Variants in OSBPL10 observed in about 807,000 individuals in gnomAD.
The protein encoded by OSBPL10 is oxysterol-binding protein-related protein 10.
OSBPL10 carries 49 observed loss-of-function variants against 81.7 expected under a neutral mutation model. The ratio of observed to expected loss-of-function variants is 0.60; its 90% CI spans 0.48 to 0.76. The LOEUF (loss-of-function observed/expected upper bound fraction) is 0.76, where lower values mean the gene tolerates loss of function less well. Among genes scored for constraint, OSBPL10 ranks in the 30% least tolerant of loss-of-function variants. The probability of loss-of-function intolerance (pLI) is 0.00; values close to 1 mark genes in which losing one functional copy is unlikely to be tolerated. For missense variants in OSBPL10, 923 were observed against 987.8 expected (o/e 0.93, Z 0.88); for synonymous variants, 419 against 383.6 (o/e 1.09, Z -1.08).
At chr3:31,662,704 A>G in intron 11 of OSBPL10, 1 of 985,524 alleles carries the variant, frequency 1.0e-6, no homozygotes, top group Non-Finnish European at 1.2e-6. Context: ...ACATGTTCCC[A>G]GCCCTTCTGT....
At chr3:31,735,882 C>T (rs1305953528) in intron 5 of OSBPL10, among the ~76,000 whole-genome samples, 9 of 152,176 alleles carry the variant, frequency 5.9e-5, no homozygotes, top group Non-Finnish European at 8.8e-5. Flanking sequence ...TCTCTCCTCC[C>T]TGGAATGTCA....
chr3:31,884,013 T>C (rs186719592), intron 1 of OSBPL10, among the ~76,000 whole-genome samples: 2 of 152,348 alleles, frequency 1.3e-5, no homozygotes, highest in Admixed American at 1.3e-4. Flanking sequence ...TTGCCAGCTT[T>C]TCTCTCTCCT....
At chr3:31,832,235 A>T (rs6807252) in intron 3 of OSBPL10, among the ~76,000 whole-genome samples, 9,496 of 152,286 alleles carry the variant, frequency 0.062, 680 homozygotes, top group East Asian at 0.43. Flanking sequence ...GTGGAAGGAT[A>T]CATATAAAAC....
intron 2 of OSBPL10, among the ~76,000 whole-genome samples, chr3:31,996,511 G>T (rs1056429562): frequency 6.6e-6 from 1 of 152,048 alleles, no homozygotes; most frequent in African/African-American, 2.4e-5. Flanking sequence ...GGGAGAAGGG[G>T]GTTAGTGGAC....
chr3:31,813,447 TG>T (rs1348173735), intron 4 of OSBPL10, among the ~76,000 whole-genome samples: 15 of 150,208 alleles, frequency 1.0e-4, no homozygotes, highest in African/African-American at 3.8e-4. Flanking sequence ...TTGGTTTTTT[TG>T]TTTGTTTGTT....
At chr3:31,686,556 T>G (rs888756878) in intron 7 of OSBPL10, among the ~76,000 whole-genome samples, 2 of 152,294 alleles carry the variant, frequency 1.3e-5, no homozygotes, top group South Asian at 4.1e-4. Context: ...ACTGAGTGAT[T>G]TTAACACTTT....
chr3:32,006,307 G>T (rs1459870590), intron 2 of OSBPL10, among the ~76,000 whole-genome samples: 1 of 152,034 alleles, frequency 6.6e-6, no homozygotes, highest in Admixed American at 6.6e-5. Context: ...ATTTCCCCTT[G>T]AATACACTTT....
chr3:31,903,592 A>G (rs973496070), intron 1 of OSBPL10, among the ~76,000 whole-genome samples: 11 of 152,122 alleles, frequency 7.2e-5, no homozygotes, highest in African/African-American at 2.7e-4. Flanking sequence ...CAGCCTCCCA[A>G]AGTGCTGGGA....
In OSBPL10 at chr3:31,922,008, T is replaced by C. The variant is rs187300648; in HGVS notation, c.282-42178A>G. Among the ~76,000 whole-genome samples the C allele has an allele frequency of 2.2e-4, 34 of 152,314 alleles. No individual in the cohort carries two copies. In the East Asian group the frequency reaches 6.4e-3, roughly 29 times the overall value. On this transcript the variant is annotated intron_variant, in intron 1 of 11. Transcript: ENST00000396556. Reference sequence around the variant, plus strand: ...AATAAGGACTATCCTACAATACACCTGACTAGTAGTCCTCAAAACTGTCAA... The same window carrying C: ...AATAAGGACTATCCTACAATACACCCGACTAGTAGTCCTCAAAACTGTCAA...
chr3:31,668,233 T>G (rs1172184441), intron 10 of OSBPL10, among the ~76,000 whole-genome samples: 1 of 152,184 alleles, frequency 6.6e-6, no homozygotes, highest in Non-Finnish European at 1.5e-5. Context: ...AGTGTCAATT[T>G]TACTACACCT....
chr3:31,666,538 G>A (rs891363800), intron 10 of OSBPL10, among the ~76,000 whole-genome samples: 4 of 152,156 alleles, frequency 2.6e-5, no homozygotes, highest in Admixed American at 6.5e-5. Flanking sequence ...GAGCAGCCAC[G>A]GAGACTGGAA....
chr3:31,886,664 G>A (rs565432288), intron 1 of OSBPL10, among the ~76,000 whole-genome samples: 3 of 152,294 alleles, frequency 2.0e-5, no homozygotes, highest in East Asian at 1.9e-4. Flanking sequence ...TCTCCTGGCC[G>A]GATGCGGTGG....
At chr3:31,980,568 CCG>C (rs199540036) in intron 1 of OSBPL10, among the ~76,000 whole-genome samples, 2,429 of 152,318 alleles carry the variant, frequency 0.016, 61 homozygotes, top group African/African-American at 0.055. Flanking sequence ...GTGCGGGAAA[CCG>C]CGGACAAGCA....
chr3:31,770,146 A>C (rs1278149942), intron 4 of OSBPL10, among the ~76,000 whole-genome samples: 1 of 152,232 alleles, frequency 6.6e-6, no homozygotes, highest in African/African-American at 2.4e-5. Context: ...CTACTGATAC[A>C]GATAAAGAGA....
intron 1 of OSBPL10, among the ~76,000 whole-genome samples, chr3:32,057,348 C>G (rs1000757036): frequency 6.6e-6 from 1 of 152,068 alleles, no homozygotes; most frequent in Non-Finnish European, 1.5e-5. Flanking sequence ...AACCCCTTTC[C>G]ATAACAGTCA....
chr3:31,753,509 C>CCA (rs376304834), intron 4 of OSBPL10, among the ~76,000 whole-genome samples: 23 of 151,844 alleles, frequency 1.5e-4, no homozygotes, highest in South Asian at 1.0e-3. Context: ...TAAACCAAAA[C>CCA]CACACACACA....
chr3:32,014,344 G>C (rs1334935936), intron 2 of OSBPL10, among the ~76,000 whole-genome samples: 1 of 152,020 alleles, frequency 6.6e-6, no homozygotes, highest in African/African-American at 2.4e-5. Flanking sequence ...ATGACAAAAA[G>C]TACATGATTA....
chr3:31,774,608 G>C (rs980831675), intron 4 of OSBPL10, among the ~76,000 whole-genome samples: 1 of 151,960 alleles, frequency 6.6e-6, no homozygotes, highest in Non-Finnish European at 1.5e-5. Context: ...TGCCTCCCAG[G>C]TTCAAGCGAT....
At chr3:31,990,799 G>A (rs1699018490) in intron 2 of OSBPL10, 1 of 1,609,148 alleles carries the variant, frequency 6.2e-7, no homozygotes, top group Non-Finnish European at 8.5e-7. Context: ...TTTTGACGAG[G>A]CCTTCAGTCA....
Sources: allele counts gnomAD v4.1 joint callset (sites outside exome capture counted in the v4.1 genomes callset), GRCh38; gene constraint gnomAD v4.1.1; transcripts MANE v1.5; gene names NCBI Gene and HGNC (gene_info 2026-07-23, HGNC 2026-07-21).